VAC14: variants seen among roughly 807,000 people sequenced by gnomAD.
VAC14 encodes VAC14 component of PIKFYVE complex.
In VAC14, 47 loss-of-function variants were observed where a neutral mutation model predicts 85.3. The ratio of observed to expected loss-of-function variants is 0.55; its 90% CI spans 0.44 to 0.70. The LOEUF (loss-of-function observed/expected upper bound fraction) is 0.70, where lower values mean the gene tolerates loss of function less well. Ranked by LOEUF, VAC14 falls within the 30% of genes least tolerant of loss-of-function variation. The pLI, the probability that VAC14 is intolerant of heterozygous loss-of-function variation, is 0.00. For synonymous variants in VAC14, 447 were observed against 430.5 expected (o/e 1.04, Z -0.47); for missense variants, 861 against 1,004.3 (o/e 0.86, Z 1.93).
intron 14 of VAC14, among the ~76,000 whole-genome samples, chr16:70,700,944 C>G (rs2053813566): frequency 2.0e-5 from 3 of 152,154 alleles, no homozygotes; most frequent in African/African-American, 7.2e-5. Context: ...GGGTGGTGCC[C>G]ATGTGAGGGC....
intron 18 of VAC14, chr16:70,690,015 G>A: frequency 2.0e-6 from 2 of 985,456 alleles, no homozygotes; most frequent in Non-Finnish European, 2.4e-6. Flanking sequence ...TCTGTGCGTT[G>A]CTCCCCATGA....
At chr16:70,785,162 G>A (rs947303481) in intron 3 of VAC14, among the ~76,000 whole-genome samples, 1 of 152,238 alleles carries the variant, frequency 6.6e-6, no homozygotes, top group Non-Finnish European at 1.5e-5. Flanking sequence ...ATCTTAAAGC[G>A]CTGGGTCCTT....
chr16:70,722,665 T>C lies in VAC14; in HGVS notation c.1661+8830A>G, dbSNP rs1022551290. On this transcript the variant is annotated intron_variant, in intron 14 of 18. Transcript: ENST00000261776. Reference sequence around the variant, plus strand: ...AGACACACTCGGTGTTTAAATACGCTGAAGACAAAGGGCACCCACATTTGT... The same window carrying C: ...AGACACACTCGGTGTTTAAATACGCCGAAGACAAAGGGCACCCACATTTGT... Among the ~76,000 whole-genome samples the C allele has an allele frequency of 5.3e-5, 8 of 152,130 alleles. 1 individual carries two copies. The South Asian group carries it at 1.7e-3, about 32-fold the overall frequency.
At chr16:70,777,012 C>CT (rs1371277433) in intron 9 of VAC14, among the ~76,000 whole-genome samples, 1 of 151,606 alleles carries the variant, frequency 6.6e-6, no homozygotes, top group African/African-American at 2.4e-5. Context: ...TTTCACCATG[C>CT]TGGCCAGGCT....
chr16:70,762,547 G>A lies in VAC14; in HGVS notation c.1364C>T (p.Ser455Leu), dbSNP rs770698627. 6 of 1,614,068 alleles carry A rather than the reference G, an allele frequency of 3.7e-6. No homozygotes were observed. Among genetic ancestry groups the A allele is most frequent in the South Asian group, 1.1e-5 (1 of 91,036 alleles). Residue 455 changes from serine to leucine, a missense_variant, in exon 12 of 19, where the codon TCG (serine) becomes TTG (leucine). Ser to Leu is a moderately radical substitution (Grantham distance 145). This residue lies in a region of VAC14 where 629 missense variants were observed against 703.1 expected (regional missense o/e 0.89). Transcript: ENST00000261776. This position sits in a 1 kb window ranked among gnomAD's most constrained non-coding sequence, Gnocchi z 4.1. Reference protein sequence around the residue: ...PILLQTLSDESDEVILKDLEV... With the variant: ...PILLQTLSDELDEVILKDLEV... ...GTGGCGTTGGTGACCTACCTCATCC[G>A]ATTCATCCGATAACGTCTGCAGTAG...
At chr16:70,692,712 T>C in intron 18 of VAC14, 109 bp downstream of exon 18, 1 of 1,453,272 alleles carries the variant, frequency 6.9e-7, no homozygotes, top group Non-Finnish European at 9.2e-7. Context: ...GGTGGGATGC[T>C]GAAGTGAGGG....
chr16:70,758,333 G>A (rs1390923363), intron 12 of VAC14, among the ~76,000 whole-genome samples: 1 of 152,098 alleles, frequency 6.6e-6, no homozygotes, highest in Non-Finnish European at 1.5e-5. Flanking sequence ...CCTTTTCACA[G>A]GCCCAGGGAG....
Position 70,769,598 on chromosome 16 carries a change from T to C in VAC14, c.1160+2511A>G, listed in dbSNP as rs1045985879. 5 of 152,362 alleles carry C rather than the reference T, an allele frequency of 3.3e-5. No individual in the cohort carries two copies. The South Asian group carries it at 6.2e-4, about 19-fold the overall frequency. The allele number at this position is 152,362 out of a possible 1,614,324, so 9.4% of individuals were successfully genotyped here. A position where few individuals can be genotyped will look rare whatever the true frequency, so the allele number is the denominator to read the frequency against. ...TAGATCATTTGTTCTTGTTTGGTTT[T>C]TTAGGTAGGATGGTTTGGATTTTAG... is the stretch of plus-strand genomic sequence containing the variant. On this transcript the variant is annotated intron_variant, in intron 10 of 18. Transcript: ENST00000261776.
intron 13 of VAC14, among the ~76,000 whole-genome samples, chr16:70,742,468 C>G (rs1333747039): frequency 6.6e-6 from 1 of 152,252 alleles, no homozygotes; most frequent in Non-Finnish European, 1.5e-5. Context: ...CATGTACTGA[C>G]TTGGGGACAC....
chr16:70,750,985 C>G (rs2031340256), intron 12 of VAC14, among the ~76,000 whole-genome samples: 1 of 152,154 alleles, frequency 6.6e-6, no homozygotes, highest in Non-Finnish European at 1.5e-5. Flanking sequence ...AACATAAAGT[C>G]CCAGGGCGAG....
chr16:70,723,151 G>T (rs2054336555), intron 14 of VAC14, among the ~76,000 whole-genome samples: 1 of 152,082 alleles, frequency 6.6e-6, no homozygotes, highest in African/African-American at 2.4e-5. Context: ...GAACCCGGGG[G>T]GTGGAGGTTG....
intron 12 of VAC14, among the ~76,000 whole-genome samples, chr16:70,746,321 TC>T (rs1201230938): frequency 6.6e-6 from 1 of 152,116 alleles, no homozygotes; most frequent in African/African-American, 2.4e-5. Context: ...TCTCACAGAC[TC>T]CCCTCCTACT....
chr16:70,689,652 G>A lies in VAC14; in HGVS notation c.2187-1562C>T, dbSNP rs893761551. The stretch of plus-strand genomic sequence containing the variant: ...CAGAAAACATCTTGGACATGTCTAC[G>A]GCTGCGGCTGCTGCTTTTCTGGGCC... On this transcript the variant is annotated intron_variant, in intron 18 of 18. Transcript: ENST00000261776. 1.5e-5 allele frequency: 15 copies of A among 985,584 alleles called. No individual in the cohort carries two copies. In the African/African-American group the frequency reaches 1.6e-4, roughly 10 times the overall value. The allele number at this position is 985,584 out of a possible 1,614,324, so 61.1% of individuals were successfully genotyped here. A position where few individuals can be genotyped will look rare whatever the true frequency, so the allele number is the denominator to read the frequency against.
At chr16:70,722,453 G>A (rs1164145987) in intron 14 of VAC14, among the ~76,000 whole-genome samples, 1 of 152,206 alleles carries the variant, frequency 6.6e-6, no homozygotes, top group Non-Finnish European at 1.5e-5. Flanking sequence ...AACCCTTTTG[G>A]GTGTGTTTCT....
intron 13 of VAC14, among the ~76,000 whole-genome samples, chr16:70,740,465 G>C (rs1037165308): frequency 6.6e-6 from 1 of 152,152 alleles, no homozygotes; most frequent in Non-Finnish European, 1.5e-5. Context: ...TCCAGGCCCC[G>C]GGAGGAAAGG....
chr16:70,796,732 C>T (rs1441622963), intron 1 of VAC14, among the ~76,000 whole-genome samples: 2 of 152,196 alleles, frequency 1.3e-5, no homozygotes, highest in Non-Finnish European at 2.9e-5. Flanking sequence ...ATGGGGCAGA[C>T]AGCACTTTAT....
intron 8 of VAC14, 107 bp from the exon 9 acceptor site, chr16:70,781,046 G>A: frequency 6.7e-7 from 1 of 1,503,020 alleles, no homozygotes; most frequent in Non-Finnish European, 9.0e-7. Context: ...GGTGGGAGGG[G>A]TTTCGGTCAT....
intron 1 of VAC14, among the ~76,000 whole-genome samples, chr16:70,787,354 G>A (rs1204348756): frequency 6.6e-6 from 1 of 152,156 alleles, no homozygotes; most frequent in Non-Finnish European, 1.5e-5. Context: ...GGAGAGAGGA[G>A]GGTAGGGTAG....
rs960051120 is a variant in VAC14 at position 70,690,747 on chromosome 16, C to T, written c.2186+2074G>A. Reference sequence around the variant, plus strand: ...TCAGCTCCCTTCCCAGGGTGTGAGCCGTCCTCTGGGCCCCACCCTGCAATC... The same window carrying T: ...TCAGCTCCCTTCCCAGGGTGTGAGCTGTCCTCTGGGCCCCACCCTGCAATC... On this transcript the variant is annotated intron_variant, in intron 18 of 18. Transcript: ENST00000261776. 19 of 985,354 alleles carry T rather than the reference C, an allele frequency of 1.9e-5. No homozygotes were observed. The Admixed American group carries it at 3.7e-4, about 19-fold the overall frequency. The allele number at this position is 985,354 out of a possible 1,614,324, so 61.0% of individuals were successfully genotyped here. A position where few individuals can be genotyped will look rare whatever the true frequency, so the allele number is the denominator to read the frequency against.
Sources: allele counts gnomAD v4.1 joint callset (sites outside exome capture counted in the v4.1 genomes callset), GRCh38; gene constraint gnomAD v4.1.1; regional missense constraint gnomAD v4.1.1; non-coding constraint Gnocchi (gnomAD v3.1); transcripts MANE v1.5; gene names NCBI Gene and HGNC (gene_info 2026-07-23, HGNC 2026-07-21).